The following ZBTB14 variants were observed in gnomAD, a reference collection of about 807,000 sequenced individuals.
ZBTB14 encodes the protein zinc finger and BTB domain-containing protein 14.
In ZBTB14, 8 loss-of-function variants were observed where a neutral mutation model predicts 29.5. The observed-to-expected ratio is 0.27, with a 90% CI of 0.16 to 0.49. The LOEUF is 0.49. ZBTB14 is among the 20% of genes least tolerant of loss of function. The pLI is 0.99. For synonymous variants in ZBTB14, 226 were observed against 207.2 expected, an observed-to-expected ratio of 1.09 and a Z score of -0.78; for missense variants, 333 against 563.8, an observed-to-expected ratio of 0.59 and a Z score of 4.15.
In ZBTB14 at chr18:5,289,488, C is replaced by G. The variant is rs1340934181; in HGVS notation, c.*1370G>C. 6.6e-6 allele frequency: 1 copy of G among 152,042 alleles called. No homozygotes were observed. Among genetic ancestry groups the G allele is most frequent in the East Asian group, 1.9e-4 (1 of 5,200 alleles). The allele number at this position is 152,042 out of a possible 1,614,324, so 9.4% of individuals were successfully genotyped here. On this transcript the variant is annotated 3_prime_UTR_variant, in exon 4 of 4. Transcript: ENST00000651870. ...CATTTTGAAAAATAATTGACTAATA[C>G]TTTTTTACAGAACACAATTCAAACT...
upstream of ZBTB14, chr18:5,295,778 G>GC (rs1045191217): frequency 1.3e-5 from 2 of 152,298 alleles, no homozygotes; most frequent in African/African-American, 4.8e-5. Flanking sequence ...CTTGCGGACG[G>GC]CCCCAGCCCC....
upstream of ZBTB14, among the ~76,000 whole-genome samples, chr18:5,296,575 CG>C (rs2071973538): frequency 6.6e-6 from 1 of 151,910 alleles, no homozygotes; most frequent in East Asian, 2.0e-4. Context: ...CGGCCGACAC[CG>C]GGAGGCGCGC....
upstream of ZBTB14, chr18:5,296,926 G>T (rs962913387): frequency 3.3e-5 from 5 of 151,880 alleles, no homozygotes; most frequent in African/African-American, 1.2e-4. Context: ...GTTGAACCAC[G>T]TCGCCTTCCC....
At position 5,291,687 on chromosome 18, in the gene ZBTB14, G is replaced by A. The variant is rs2071818511; in HGVS notation, c.521C>T (p.Ser174Phe). Residue 174 changes from serine (S) to phenylalanine (F), a missense_variant, in exon 4 of 4, where the codon TCT (serine) becomes TTT (phenylalanine). Physicochemically the swap from Ser to Phe is radical, Grantham distance 155. Coordinates refer to ENST00000651870, the MANE Select transcript of ZBTB14 (RefSeq NM_001243702.2). This position sits in a 1 kb window ranked among gnomAD's most constrained non-coding sequence, Gnocchi z 5.8. ...GGGTGTGCCTTCTACTGTGTCATCAGAAGGACTGTCATCCTGATCCCCGAT... is the reference window on the plus strand; with the variant it reads ...GGGTGTGCCTTCTACTGTGTCATCAAAAGGACTGTCATCCTGATCCCCGAT... ...EEIGDQDDSP[S>F]DDTVEGTPPS... 1 of 1,613,972 alleles carries A rather than the reference G, an allele frequency of 6.2e-7. No homozygotes were observed. Among genetic ancestry groups the A allele is most frequent in the Non-Finnish European group, 8.5e-7 (1 of 1,180,016 alleles).
At chr18:5,294,442 C>G (rs1375494365) in intron 1 of ZBTB14, among the ~76,000 whole-genome samples, 1 of 152,160 alleles carries the variant, frequency 6.6e-6, no homozygotes, top group African/African-American at 2.4e-5. Context: ...CTTAGACTAG[C>G]TATGACAACA....
chr18:5,293,165 C>T, intron 3 of ZBTB14, 79 bp downstream of exon 3: 1 of 1,461,552 alleles, frequency 6.8e-7, no homozygotes, highest in Non-Finnish European at 9.4e-7. Flanking sequence ...TGTTCATGCA[C>T]AATCAGAATT....
upstream of ZBTB14, chr18:5,295,955 G>A (rs1461333280): frequency 6.6e-6 from 1 of 151,676 alleles, no homozygotes; most frequent in African/African-American, 2.4e-5. Flanking sequence ...TTGGGGAGGG[G>A]GCGGGGTGGG....
At chr18:5,295,104 G>A (rs2071917729) in intron 1 of ZBTB14, among the ~76,000 whole-genome samples, 2 of 150,522 alleles carry the variant, frequency 1.3e-5, no homozygotes, top group South Asian at 4.2e-4. Context: ...CCGCGGCTCG[G>A]AGCGCGCAGG....
chr18:5,293,481 G>C, intron 2 of ZBTB14, 154 bp from the exon 3 acceptor site: 2 of 541,108 alleles, frequency 3.7e-6, no homozygotes, highest in Non-Finnish European at 6.7e-6. Flanking sequence ...GGTACATCAA[G>C]TGCAGTTCTG....
chr18:5,292,217 A>C lies in ZBTB14; in HGVS notation c.4-13T>G. 6.6e-7 allele frequency: 1 copy of C among 1,508,656 alleles called. No homozygotes were observed. The highest frequency in any genetic ancestry group is 8.8e-7 in the Non-Finnish European group (1 of 1,141,676). 93.5% of individuals were successfully genotyped at this position (1,508,656 alleles called of 1,614,324 possible). The stretch of plus-strand genomic sequence containing the variant: ...TGATGAAAAACTCCTACAAAAAAAA[A>C]AAAAGTTTAGTAATTATAAATAGTA... On this transcript the variant is annotated splice_polypyrimidine_tract_variant and intron_variant, in intron 3 of 3. Coordinates refer to ENST00000651870, the MANE Select transcript of ZBTB14 (RefSeq NM_001243702.2).
intron 3 of ZBTB14, among the ~76,000 whole-genome samples, chr18:5,292,821 G>C (rs1259347157): frequency 1.3e-5 from 2 of 152,216 alleles, no homozygotes; most frequent in Non-Finnish European, 2.9e-5. Flanking sequence ...CCCATTGAGT[G>C]TTGTGTTCTA....
At chr18:5,296,373 C>A (rs2071967476), upstream of ZBTB14, among the ~76,000 whole-genome samples, 1 of 150,258 alleles carries the variant, frequency 6.7e-6, no homozygotes, top group Admixed American at 6.6e-5. Context: ...CTCCCTCCCG[C>A]CCTGGTTCGT....
At chr18:5,296,539 C>T (rs1002845475), upstream of ZBTB14, among the ~76,000 whole-genome samples, 3 of 151,786 alleles carry the variant, frequency 2.0e-5, no homozygotes, top group Non-Finnish European at 4.4e-5. Flanking sequence ...GCGGGCGCCC[C>T]GGCCACTTTC....
chr18:5,296,037 A>ACACCCCCAC (rs2071955346), upstream of ZBTB14: 1 of 150,578 alleles, frequency 6.6e-6, no homozygotes, highest in African/African-American at 2.4e-5. Context: ...CCGGCCGTGA[A>ACACCCCCAC]CACCCCCACC....
In ZBTB14 at chr18:5,291,563, G is replaced by A; in HGVS notation, c.645C>T (p.Cys215=). ...LGSEEVRKVN[C]YGQEVESMET... is the part of the protein sequence containing the mutation. ...CCATGGATTCTACTTCCTGGCCGTA[G>A]CAATTGACCTTCCGAACTTCCTCAC... The change falls in exon 4 of 4, where the codon TGC becomes TGT. Residue 215 remains cysteine, a synonymous_variant. Transcript: ENST00000651870. The surrounding 1 kb of genome is among the most constrained non-coding windows in gnomAD (Gnocchi z 5.8). The A allele has an allele frequency of 6.2e-7, 1 of 1,613,904 alleles. No homozygotes were observed. Among genetic ancestry groups the A allele is most frequent in the Non-Finnish European group, 8.5e-7 (1 of 1,180,024 alleles).
rs751432738 is a variant in ZBTB14 at position 5,291,763 on chromosome 18, T to G, written c.445A>C (p.Asn149His). The G allele has an allele frequency of 2.5e-6, 4 of 1,614,098 alleles. No individual in the cohort carries two copies. Among genetic ancestry groups the G allele is most frequent in the Non-Finnish European group, 3.4e-6 (4 of 1,179,990 alleles). The change falls in exon 4 of 4, where the codon AAT becomes CAT. Residue 149 changes from asparagine to histidine, a missense_variant. Coordinates refer to ENST00000651870, the MANE Select transcript of ZBTB14 (RefSeq NM_001243702.2). This position sits in a 1 kb window ranked among gnomAD's most constrained non-coding sequence, Gnocchi z 5.8. ...TCAGCAGCATCTCCAATGGGGCGAT[T>G]TATTTTAAGGCAATACTTACTTTTG... The part of the protein sequence containing the change: ...QSKSKYCLKI[N>H]RPIGDAADTQ...
chr18:5,296,399 CCCGGCG>C (rs1158966965), upstream of ZBTB14, among the ~76,000 whole-genome samples: 3 of 150,244 alleles, frequency 2.0e-5, no homozygotes, highest in East Asian at 2.0e-4. Flanking sequence ...TCCGCCCGCG[CCCGGCG>C]CCGGCGCAGC....
At chr18:5,292,467 AT>A (rs1258194261) in intron 3 of ZBTB14, among the ~76,000 whole-genome samples, 2 of 152,190 alleles carry the variant, frequency 1.3e-5, no homozygotes, top group African/African-American at 2.4e-5. Context: ...GTTTTAATTA[AT>A]TTAATATTCA....
At position 5,292,767 on chromosome 18, in the gene ZBTB14, A is replaced by G. The variant is rs571246804; in HGVS notation, c.3+477T>C. On this transcript the variant is annotated intron_variant, in intron 3 of 3. Coordinates refer to ENST00000651870, the MANE Select transcript of ZBTB14 (RefSeq NM_001243702.2). ...TTATACCTCCTTGACAGAAGGAACA[A>G]ATTACTATTGCAGAACTAGAGAGGA... Among the ~76,000 whole-genome samples the G allele has an allele frequency of 2.0e-5, 3 of 152,338 alleles. No homozygotes were observed. In the South Asian group the frequency reaches 6.2e-4, roughly 32 times the overall value.
Sources: allele counts gnomAD v4.1 joint callset (sites outside exome capture counted in the v4.1 genomes callset), GRCh38; gene constraint gnomAD v4.1.1; non-coding constraint Gnocchi (gnomAD v3.1); transcripts MANE v1.5; gene names NCBI Gene and HGNC (gene_info 2026-07-23, HGNC 2026-07-21).